Variants in SPPL3 observed in about 807,000 individuals in gnomAD.
The protein encoded by SPPL3 is signal peptide peptidase like 3, also known as signal peptide peptidase-like 3.
In SPPL3, 5 loss-of-function variants were observed where a neutral mutation model predicts 42.4. The ratio of observed to expected loss-of-function variants is 0.12; its 90% CI spans 0.06 to 0.25. The LOEUF (loss-of-function observed/expected upper bound fraction) is 0.25. SPPL3 is among the 10% of genes least tolerant of loss of function. The pLI, the probability that SPPL3 is intolerant of heterozygous loss-of-function variation, is 1.00. For missense variants in SPPL3, 235 were observed against 489.0 expected (o/e 0.48, Z 4.90); for synonymous variants, 195 against 181.8 (o/e 1.07, Z -0.58).
In SPPL3 at chr12:120,900,444, A is replaced by G. The variant is rs143882782; in HGVS notation, c.23+3401T>C. On this transcript the variant is annotated intron_variant, in intron 1 of 10. Transcript: ENST00000353487. Reference sequence around the variant, plus strand: ...GGCAACATGGCGAAACACAATACAAAAAATGCAATAATCAGCCGGGCGTGG... The same window carrying G: ...GGCAACATGGCGAAACACAATACAAGAAATGCAATAATCAGCCGGGCGTGG... 3.4e-3 allele frequency among the ~76,000 whole-genome samples: 523 copies of G among 152,018 alleles called. 10 individuals carry two copies. The highest frequency in any genetic ancestry group is 3.4e-3 in the Non-Finnish European group (234 of 67,962).
chr12:120,894,468 A>G (rs2137068941), intron 1 of SPPL3, among the ~76,000 whole-genome samples: 1 of 152,388 alleles, frequency 6.6e-6, no homozygotes, highest in South Asian at 2.1e-4. Context: ...CAAAACTTAA[A>G]CAACAAAACA....
intron 2 of SPPL3, 70 bp downstream of exon 2, chr12:120,810,739 C>T (rs182781993): frequency 2.4e-6 from 3 of 1,227,618 alleles, no homozygotes; most frequent in Admixed American, 3.8e-5. Flanking sequence ...GTTTTGGTAC[C>T]AGCACTTTCA....
At chr12:120,886,070 T>C (rs1873450345) in intron 1 of SPPL3, among the ~76,000 whole-genome samples, 2 of 151,790 alleles carry the variant, frequency 1.3e-5, no homozygotes, top group South Asian at 4.2e-4. Flanking sequence ...CTCGAACTCA[T>C]GACCTCAGGT....
intron 1 of SPPL3, among the ~76,000 whole-genome samples, chr12:120,831,282 C>T (rs963700464): frequency 2.0e-5 from 3 of 152,014 alleles, no homozygotes; most frequent in African/African-American, 2.4e-5. Context: ...CATCTCTGCC[C>T]GAGCCAATTC....
chr12:120,873,124 T>C (rs1047016584), intron 1 of SPPL3, among the ~76,000 whole-genome samples: 5 of 152,216 alleles, frequency 3.3e-5, no homozygotes, highest in African/African-American at 1.2e-4. Flanking sequence ...ATAGTTTTTC[T>C]GACCCAAATG....
chr12:120,807,609 G>T (rs1279758528), intron 2 of SPPL3, among the ~76,000 whole-genome samples: 1 of 151,312 alleles, frequency 6.6e-6, no homozygotes, highest in African/African-American at 2.4e-5. Context: ...GGGAGGCGGA[G>T]GTTGTGGTGA....
chr12:120,784,573 T>C lies in SPPL3; in HGVS notation c.211A>G (p.Thr71Ala), dbSNP rs1869652458. The C allele has an allele frequency of 6.2e-7, 1 of 1,608,348 alleles. No individual in the cohort carries two copies. Among genetic ancestry groups the C allele is most frequent in the South Asian group, 1.1e-5 (1 of 89,820 alleles). Residue 71 changes from threonine to alanine, a missense_variant, in exon 4 of 11, where the codon ACC (threonine) becomes GCC (alanine). By Grantham distance (58) the Thr-to-Ala change is moderately conservative. Around this residue, in one of 6 missense-constraint regions of SPPL3, gnomAD observed 110 missense variants for 186.2 expected, o/e 0.59. Coordinates refer to ENST00000353487, the MANE Select transcript of SPPL3 (RefSeq NM_139015.5). ...CCAATTGGAAGGAACAGAGCCTGGG[T>C]AGAGTCAATTGTTTGGATGCCTGAA... ...TNNSIQTIDS[T>A]QALFLPIGAS...
chr12:120,874,146 G>C (rs1285929941), intron 1 of SPPL3, among the ~76,000 whole-genome samples: 1 of 151,910 alleles, frequency 6.6e-6, no homozygotes, highest in African/African-American at 2.4e-5. Flanking sequence ...AAAAAGAAAT[G>C]AAGAGTGAAA....
At chr12:120,785,313 C>G (rs1288367516) in intron 3 of SPPL3, among the ~76,000 whole-genome samples, 1 of 151,758 alleles carries the variant, frequency 6.6e-6, no homozygotes, top group Admixed American at 6.6e-5. Context: ...GAGATGAATA[C>G]GGGAAAATAA....
intron 6 of SPPL3, among the ~76,000 whole-genome samples, chr12:120,780,491 C>T (rs1253836783): frequency 6.7e-6 from 1 of 150,158 alleles, no homozygotes; most frequent in African/African-American, 2.5e-5. Context: ...CACAGTGGCT[C>T]ATGCCTGTGC....
intron 1 of SPPL3, among the ~76,000 whole-genome samples, chr12:120,872,627 G>T (rs1372960455): frequency 6.6e-6 from 1 of 152,188 alleles, no homozygotes; most frequent in Admixed American, 6.5e-5. Context: ...GTTCCTTTCA[G>T]TCTCGGATCT....
chr12:120,902,934 C>CCT (rs1874029067), intron 1 of SPPL3, among the ~76,000 whole-genome samples: 1 of 152,146 alleles, frequency 6.6e-6, no homozygotes, highest in African/African-American at 2.4e-5. Flanking sequence ...AAGGGAGACC[C>CCT]CTCATGTTCC....
At chr12:120,796,001 G>C (rs1228519243) in intron 2 of SPPL3, among the ~76,000 whole-genome samples, 1 of 152,054 alleles carries the variant, frequency 6.6e-6, no homozygotes, top group Non-Finnish European at 1.5e-5. Context: ...GTTTCTAATT[G>C]CTGTTAATCC....
intron 2 of SPPL3, among the ~76,000 whole-genome samples, chr12:120,798,206 G>A (rs186861771): frequency 6.6e-6 from 1 of 151,588 alleles, no homozygotes; most frequent in Admixed American, 6.5e-5. Flanking sequence ...GGTGTCTGAT[G>A]TGTTGGCTTT....
At chr12:120,806,197 A>AG (rs1870483445) in intron 2 of SPPL3, among the ~76,000 whole-genome samples, 1 of 144,368 alleles carries the variant, frequency 6.9e-6, no homozygotes, top group South Asian at 2.2e-4. Flanking sequence ...TTTATGGTCG[A>AG]TTTTTTTTTT....
chr12:120,875,265 A>C (rs115722207), intron 1 of SPPL3, among the ~76,000 whole-genome samples: 1 of 152,206 alleles, frequency 6.6e-6, no homozygotes, highest in African/African-American at 2.4e-5. Flanking sequence ...ACAGAAAAAA[A>C]TTAAAATAGA....
intron 2 of SPPL3, among the ~76,000 whole-genome samples, chr12:120,799,880 A>G (rs1340153761): frequency 6.6e-6 from 1 of 152,212 alleles, no homozygotes; most frequent in Non-Finnish European, 1.5e-5. Flanking sequence ...AGTTACTCAC[A>G]CTGCACAGCT....
At chr12:120,881,206 C>T (rs1201534549) in intron 1 of SPPL3, among the ~76,000 whole-genome samples, 3 of 151,508 alleles carry the variant, frequency 2.0e-5, no homozygotes, top group East Asian at 1.9e-4. Context: ...CGGTGGCTCC[C>T]GCCTGTAATC....
intron 1 of SPPL3, among the ~76,000 whole-genome samples, chr12:120,892,312 T>C (rs1480060225): frequency 6.6e-6 from 1 of 152,046 alleles, no homozygotes; most frequent in Non-Finnish European, 1.5e-5. Context: ...ATACATTCAA[T>C]ACAAGGTCAG....
Sources: allele counts gnomAD v4.1 joint callset (sites outside exome capture counted in the v4.1 genomes callset), GRCh38; gene constraint gnomAD v4.1.1; regional missense constraint gnomAD v4.1.1; transcripts MANE v1.5; gene names NCBI Gene and HGNC (gene_info 2026-07-23, HGNC 2026-07-21).